The following GPC5 variants were observed in gnomAD, a reference collection of about 807,000 sequenced individuals.
GPC5 encodes glypican 5.
In GPC5, 47 loss-of-function variants were observed where a neutral mutation model predicts 53.9. The ratio of observed to expected loss-of-function variants is 0.87; its 90% CI spans 0.69 to 1.11. The LOEUF is 1.11. Ranked by LOEUF, GPC5 falls within the 50% of genes most tolerant of loss-of-function variation. GPC5 has a pLI of 0.00. For synonymous variants in GPC5, 286 were observed against 263.3 expected (o/e 1.09, Z -0.84); for missense variants, 748 against 713.1 (o/e 1.05, Z -0.56).
At chr13:91,554,241 A>T (rs574926071) in intron 2 of GPC5, among the ~76,000 whole-genome samples, 1 of 152,164 alleles carries the variant, frequency 6.6e-6, no homozygotes, top group South Asian at 2.1e-4. Context: ...AGGTGAATAT[A>T]CACATAGACA....
chr13:91,918,331 AC>A lies in GPC5; in HGVS notation c.1401+10275del, dbSNP rs1301771707. On this transcript the variant is annotated intron_variant, in intron 6 of 7. Coordinates refer to ENST00000377067, the MANE Select transcript of GPC5 (RefSeq NM_004466.6). ...TCAAGATGAGATTTTGGGTGAGGAC[AC>A]AGCCAAGCCATATCATATATTTTAC... is the stretch of plus-strand genomic sequence containing the variant. Among the ~76,000 whole-genome samples the A allele has an allele frequency of 3.9e-4, 59 of 152,204 alleles. 1 individual carries two copies. Among genetic ancestry groups the A allele is most frequent in the Non-Finnish European group, 7.6e-4 (52 of 68,034 alleles).
chr13:91,778,011 C>T (rs553987563), intron 5 of GPC5, among the ~76,000 whole-genome samples: 1 of 152,198 alleles, frequency 6.6e-6, no homozygotes, highest in Admixed American at 6.5e-5. Context: ...AGCTCACCCT[C>T]ATAAAACTTG....
At chr13:91,618,698 T>G (rs546853875) in intron 2 of GPC5, among the ~76,000 whole-genome samples, 12 of 152,094 alleles carry the variant, frequency 7.9e-5, no homozygotes, top group African/African-American at 2.6e-4. Flanking sequence ...CTTCATTGTT[T>G]AAGTTTGGAA....
At chr13:92,757,666 G>GCAAAGGA (rs200844300) in intron 7 of GPC5, among the ~76,000 whole-genome samples, 11,510 of 152,102 alleles carry the variant, frequency 0.076, 447 homozygotes, top group South Asian at 0.12. Flanking sequence ...CAAAAAGTGG[G>GCAAAGGA]CAAAGGACAT....
intron 2 of GPC5, among the ~76,000 whole-genome samples, chr13:91,516,298 A>T (rs7990870): frequency 0.13 from 20,408 of 152,202 alleles, 1,756 homozygotes; most frequent in African/African-American, 0.23. Context: ...GTACCTGGAT[A>T]CAATGAGGGT....
chr13:91,830,780 T>C (rs1335513971), intron 5 of GPC5, among the ~76,000 whole-genome samples: 1 of 120,632 alleles, frequency 8.3e-6, no homozygotes, highest in Non-Finnish European at 1.8e-5. Flanking sequence ...ATATATAAAA[T>C]ATATATATAC....
At chr13:91,956,352 G>A (rs2040073673) in intron 6 of GPC5, among the ~76,000 whole-genome samples, 2 of 152,076 alleles carry the variant, frequency 1.3e-5, no homozygotes, top group Admixed American at 6.5e-5. Flanking sequence ...GGCCTGCCCA[G>A]CCCATTGCAG....
chr13:91,506,962 A>T (rs2139316742), intron 2 of GPC5, among the ~76,000 whole-genome samples: 1 of 152,332 alleles, frequency 6.6e-6, no homozygotes, highest in South Asian at 2.1e-4. Context: ...TTGAAAACAT[A>T]AGTCCCAATG....
intron 6 of GPC5, among the ~76,000 whole-genome samples, chr13:91,939,513 T>C (rs1311407831): frequency 6.6e-6 from 1 of 152,158 alleles, no homozygotes; most frequent in Non-Finnish European, 1.5e-5. Flanking sequence ...TCACAAATAT[T>C]AACACTTGGA....
At chr13:91,433,036 G>T (rs1879619721) in intron 1 of GPC5, among the ~76,000 whole-genome samples, 1 of 152,088 alleles carries the variant, frequency 6.6e-6, no homozygotes, top group African/African-American at 2.4e-5. Context: ...AGAAGACAAA[G>T]GTGGTTCTTA....
chr13:91,845,617 C>T (rs1328187571), intron 5 of GPC5, among the ~76,000 whole-genome samples: 1 of 152,146 alleles, frequency 6.6e-6, no homozygotes, highest in Non-Finnish European at 1.5e-5. Context: ...AAGGCACAGA[C>T]AAGGGCTTTT....
At chr13:92,474,555 C>T (rs2139425563) in intron 7 of GPC5, among the ~76,000 whole-genome samples, 1 of 151,644 alleles carries the variant, frequency 6.6e-6, no homozygotes, top group East Asian at 1.9e-4. Context: ...ATGGGCAGTA[C>T]TTCATACCAA....
In GPC5 at chr13:92,819,248, A is replaced by C. The variant is rs1428319944; in HGVS notation, c.1562-47034A>C. On this transcript the variant is annotated intron_variant, in intron 7 of 7. Coordinates refer to ENST00000377067, the MANE Select transcript of GPC5 (RefSeq NM_004466.6). ...CATAGGATATTTCCTTCTCATTTCT[A>C]TGTAGAAGATACCTAGCACATACTT... 5.0e-4 allele frequency among the ~76,000 whole-genome samples: 76 copies of C among 150,916 alleles called. 1 individual carries two copies. The highest frequency in any genetic ancestry group is 5.9e-5 in the Non-Finnish European group (4 of 68,030).
intron 6 of GPC5, among the ~76,000 whole-genome samples, chr13:92,109,876 CTATGTTG>C (rs1387405259): frequency 2.0e-5 from 3 of 152,008 alleles, no homozygotes; most frequent in Non-Finnish European, 4.4e-5. Context: ...GTGGCTTATA[CTATGTTG>C]TATATTATGA....
At chr13:91,553,310 T>C (rs971677360) in intron 2 of GPC5, among the ~76,000 whole-genome samples, 1 of 100,638 alleles carries the variant, frequency 9.9e-6, no homozygotes, top group African/African-American at 4.5e-5. Context: ...GAGACCGGTT[T>C]ATGCTTGGAT....
chr13:92,081,355 G>C (rs575895916), intron 6 of GPC5, among the ~76,000 whole-genome samples: 1 of 152,258 alleles, frequency 6.6e-6, no homozygotes, highest in African/African-American at 2.4e-5. Context: ...GCCTGCCTTG[G>C]ACTCCCAAAG....
chr13:91,808,833 T>C (rs1404624236), intron 5 of GPC5, among the ~76,000 whole-genome samples: 2 of 152,216 alleles, frequency 1.3e-5, no homozygotes, highest in South Asian at 2.1e-4. Context: ...AAGCTAAAAA[T>C]TTCATGAGGC....
chr13:91,938,775 G>A (rs895807518), intron 6 of GPC5, among the ~76,000 whole-genome samples: 3 of 152,122 alleles, frequency 2.0e-5, no homozygotes, highest in African/African-American at 7.2e-5. Context: ...ATTGACAAAT[G>A]TAGGTATGTT....
At chr13:91,741,155 G>A (rs1334089986) in intron 4 of GPC5, among the ~76,000 whole-genome samples, 1 of 145,878 alleles carries the variant, frequency 6.9e-6, no homozygotes, top group East Asian at 1.9e-4. Flanking sequence ...TGATGTCAAG[G>A]TGGGGAATGC....
Sources: gnomAD v4.1 joint callset for allele counts (sites outside exome capture counted in the v4.1 genomes callset) on GRCh38, gnomAD v4.1.1 for gene constraint, MANE v1.5 for transcripts, NCBI Gene and HGNC (gene_info 2026-07-23, HGNC 2026-07-21) for gene names.